Variants in HS1BP3 observed in about 807,000 individuals in gnomAD.
HS1BP3 encodes the protein HCLS1-binding protein 3.
HS1BP3 carries 32 observed loss-of-function variants against 33.5 expected under a neutral mutation model. The observed-to-expected ratio is 0.95, with a 90% CI of 0.72 to 1.28. The LOEUF (loss-of-function observed/expected upper bound fraction) is 1.28, where lower values mean the gene tolerates loss of function less well. Ranked by LOEUF, HS1BP3 falls within the 50% of genes most tolerant of loss-of-function variation. HS1BP3 has a pLI of 0.00. For synonymous variants in HS1BP3, 187 were observed against 209.2 expected (o/e 0.89, Z 0.92); for missense variants, 486 against 502.3 (o/e 0.97, Z 0.31).
intron 4 of HS1BP3, among the ~76,000 whole-genome samples, chr2:20,628,804 G>C (rs1248552333): frequency 1.3e-5 from 2 of 152,134 alleles, no homozygotes; most frequent in Non-Finnish European, 1.5e-5. Flanking sequence ...TAGCATCTTG[G>C]GTACAGGACC....
intron 4 of HS1BP3, among the ~76,000 whole-genome samples, chr2:20,625,190 C>T (rs1190313908): frequency 6.6e-6 from 1 of 152,218 alleles, no homozygotes; most frequent in Non-Finnish European, 1.5e-5. Flanking sequence ...GCAGGTTTCC[C>T]CAATGACAGA....
At chr2:20,587,558 C>T (rs924193634) in intron 5 of HS1BP3, among the ~76,000 whole-genome samples, 3 of 152,168 alleles carry the variant, frequency 2.0e-5, no homozygotes, top group Non-Finnish European at 2.9e-5. Context: ...TCACCAATGA[C>T]AGTGGCCATG....
chr2:20,623,889 G>A lies in HS1BP3; in HGVS notation c.920+7C>T, dbSNP rs1245440137. On this transcript the variant is annotated splice_region_variant and intron_variant, in intron 6 of 6. Coordinates refer to ENST00000304031, the MANE Select transcript of HS1BP3 (RefSeq NM_022460.4). ...GCTGGCCAAGCGCCGCTGGGGACAG[G>A]TGGTACCTGAACAGTTCCTTGGAGG... The A allele has an allele frequency of 1.2e-6, 2 of 1,610,966 alleles. No individual in the cohort carries two copies. Among genetic ancestry groups the A allele is most frequent in the East Asian group, 2.2e-5 (1 of 44,820 alleles).
chr2:20,646,725 C>T (rs560432994), intron 1 of HS1BP3, among the ~76,000 whole-genome samples: 49 of 152,252 alleles, frequency 3.2e-4, no homozygotes, highest in Non-Finnish European at 6.2e-4. Context: ...GCAGTGTGCA[C>T]GCGCGGCCTG....
chr2:20,575,274 T>TA (rs1693371786), intron 5 of HS1BP3, among the ~76,000 whole-genome samples: 1 of 152,166 alleles, frequency 6.6e-6, no homozygotes, highest in South Asian at 2.1e-4. Flanking sequence ...GTGGGACATT[T>TA]ACCTGAATCA....
downstream of HS1BP3, among the ~76,000 whole-genome samples, chr2:20,615,891 T>G (rs143327557): frequency 6.6e-6 from 1 of 152,194 alleles, no homozygotes; most frequent in Non-Finnish European, 1.5e-5. Context: ...ATACATTGTA[T>G]GGACGTGGTC....
chr2:20,581,368 G>C (rs543810209), intron 5 of HS1BP3, among the ~76,000 whole-genome samples: 9 of 151,764 alleles, frequency 5.9e-5, no homozygotes, highest in African/African-American at 7.3e-5. Context: ...TTTCTTTTTT[G>C]AGACAAAGTC....
chr2:20,646,413 C>A (rs986298991), intron 1 of HS1BP3, among the ~76,000 whole-genome samples: 7 of 152,194 alleles, frequency 4.6e-5, no homozygotes, highest in Non-Finnish European at 7.4e-5. Flanking sequence ...GAATTATACC[C>A]CAATCCATCA....
At chr2:20,649,618 C>T (rs1032063192) in intron 1 of HS1BP3, among the ~76,000 whole-genome samples, 3 of 152,220 alleles carry the variant, frequency 2.0e-5, no homozygotes, top group Admixed American at 6.5e-5. Context: ...CACCTTCTGG[C>T]TGAATTCAAG....
intron 2 of HS1BP3, among the ~76,000 whole-genome samples, chr2:20,601,179 T>A (rs1452040180): frequency 6.6e-6 from 1 of 152,218 alleles, no homozygotes; most frequent in Non-Finnish European, 1.5e-5. Context: ...AATATGCTGA[T>A]CTTCAGGGCT....
At chr2:20,587,897 A>G (rs1693719334), downstream of HS1BP3, among the ~76,000 whole-genome samples, 5 of 152,200 alleles carry the variant, frequency 3.3e-5, no homozygotes. Context: ...CTGTTCTGGG[A>G]AAGAAATCTT....
At chr2:20,598,590 G>T (rs1459463912) in intron 2 of HS1BP3, among the ~76,000 whole-genome samples, 2 of 105,426 alleles carry the variant, frequency 1.9e-5, no homozygotes, top group South Asian at 3.6e-4. Flanking sequence ...ACGGAGTCTC[G>T]CTCTGTCGCC....
Position 20,632,244 on chromosome 2 carries a change from C to T in HS1BP3, c.623+6192G>A, listed in dbSNP as rs368573720. 4.1e-4 allele frequency among the ~76,000 whole-genome samples: 63 copies of T among 152,354 alleles called. No homozygotes were observed. The South Asian group carries it at 0.013, about 31-fold the overall frequency. On this transcript the variant is annotated intron_variant, in intron 4 of 6. Coordinates refer to ENST00000304031, the MANE Select transcript of HS1BP3 (RefSeq NM_022460.4). Reference sequence around the variant, plus strand: ...GCCAAATGCAGGTGATGGTGGCCGACACCTCCCTGGTCGCAGTAAGCTCTG... The same window carrying T: ...GCCAAATGCAGGTGATGGTGGCCGATACCTCCCTGGTCGCAGTAAGCTCTG...
intron 5 of HS1BP3, among the ~76,000 whole-genome samples, chr2:20,582,983 C>T (rs1176064858): frequency 6.6e-6 from 1 of 152,162 alleles, no homozygotes; most frequent in East Asian, 1.9e-4. Context: ...TGCCTGCACA[C>T]CCTCCTCACA....
In HS1BP3 at chr2:20,598,182, T is replaced by C. The variant is rs185076447; in HGVS notation, c.*12+26A>G. 9.2e-6 allele frequency: 3 copies of C among 324,786 alleles called. No homozygotes were observed. The East Asian group carries it at 2.6e-4, about 28-fold the overall frequency. 20.1% of individuals were successfully genotyped at this position (324,786 alleles called of 1,614,324 possible). A position where few individuals can be genotyped will look rare whatever the true frequency, so the allele number is the denominator to read the frequency against. ...TTTCTATTATTATTACGTTGTAATA[T>C]ATAATGAAATAATGATCTAACTCAC... On this transcript the variant is annotated intron_variant, in intron 3 of 3. Coordinates refer to the HS1BP3 transcript ENST00000415264.
At chr2:20,555,034 C>T in the HS1BP3 span, among the ~76,000 whole-genome samples, 4 of 152,310 alleles carry the variant, frequency 2.6e-5, no homozygotes, top group East Asian at 3.9e-4. Flanking sequence ...TTCCCTGCCT[C>T]GGCCTGAAAC....
rs139497938 is a variant in HS1BP3, at chr2:20,602,464, A to G, written c.179-4199T>C. ...TTATGGTATCTTTTTGTCTTATTCA[A>G]ATTTTCAAAAGTGGCATCAAATTAT... is the stretch of plus-strand genomic sequence containing the variant. On this transcript the variant is annotated intron_variant, in intron 2 of 3. Coordinates refer to the HS1BP3 transcript ENST00000415264. 2.4e-4 allele frequency among the ~76,000 whole-genome samples: 37 copies of G among 152,238 alleles called. No individual in the cohort carries two copies. In the East Asian group the frequency reaches 6.4e-3, roughly 26 times the overall value.
intron 5 of HS1BP3, among the ~76,000 whole-genome samples, chr2:20,572,181 A>G (rs2149272804): frequency 6.6e-6 from 1 of 152,338 alleles, no homozygotes; most frequent in East Asian, 1.9e-4. Flanking sequence ...GCTGGGAAGC[A>G]GGGCTCAGGC....
chr2:20,650,857 G>A (rs1000364757), intron 1 of HS1BP3, among the ~76,000 whole-genome samples, 175 bp downstream of exon 1: 1 of 152,134 alleles, frequency 6.6e-6, no homozygotes, highest in Non-Finnish European at 1.5e-5. Context: ...TGTAAATCGG[G>A]GTCGCCACCT....
Sources: gnomAD v4.1 joint callset for allele counts (sites outside exome capture counted in the v4.1 genomes callset) on GRCh38, gnomAD v4.1.1 for gene constraint, MANE v1.5 for transcripts, NCBI Gene and HGNC (gene_info 2026-07-23, HGNC 2026-07-21) for gene names.